Variants in GPHN observed in about 807,000 individuals in gnomAD.
GPHN encodes the protein gephyrin.
A neutral mutation model predicts 95.5 loss-of-function variants in GPHN; 17 were observed. The observed-to-expected ratio is 0.18, with a 90% CI of 0.12 to 0.27. GPHN has a LOEUF of 0.27. Ranked by LOEUF, GPHN falls within the 10% of genes least tolerant of loss-of-function variation. GPHN has a pLI of 1.00. For missense variants in GPHN, 660 were observed against 978.1 expected (o/e 0.67, Z 4.34); for synonymous variants, 320 against 322.5 (o/e 0.99, Z 0.08).
chr14:67,109,848 G>A (rs1225174635), intron 13 of GPHN, among the ~76,000 whole-genome samples: 1 of 151,978 alleles, frequency 6.6e-6, no homozygotes, highest in East Asian at 1.9e-4. Context: ...TATTTGAGAG[G>A]CAAAAGTGGC....
the GPHN span, among the ~76,000 whole-genome samples, chr14:67,682,747 AC>A: frequency 6.6e-6 from 1 of 152,242 alleles, no homozygotes; most frequent in Non-Finnish European, 1.5e-5. Context: ...ACTTCCATGT[AC>A]CCAAGAGAAA....
chr14:67,606,941 C>G, the GPHN span, among the ~76,000 whole-genome samples: 1 of 152,034 alleles, frequency 6.6e-6, no homozygotes, highest in African/African-American at 2.4e-5. Flanking sequence ...CCACCCTGCC[C>G]GGCCAAGAGC....
chr14:66,985,183 G>T (rs1283510682), intron 9 of GPHN, among the ~76,000 whole-genome samples: 1 of 152,066 alleles, frequency 6.6e-6, no homozygotes, highest in Non-Finnish European at 1.5e-5. Flanking sequence ...CAACCTCAAT[G>T]CTTGGGTCAG....
chr14:66,668,025 T>A (rs112273197), intron 1 of GPHN, among the ~76,000 whole-genome samples: 77 of 152,256 alleles, frequency 5.1e-4, no homozygotes, highest in African/African-American at 1.6e-3. Context: ...ACAAACATAT[T>A]TAGAAAAGCT....
intron 11 of GPHN, among the ~76,000 whole-genome samples, chr14:67,076,345 T>C (rs961610628): frequency 6.6e-6 from 1 of 152,224 alleles, no homozygotes; most frequent in Non-Finnish European, 1.5e-5. Context: ...AACTCTTACA[T>C]GCACTGGCTA....
At chr14:67,600,421 C>A in the GPHN span, 1 of 517,354 alleles carries the variant, frequency 1.9e-6, no homozygotes, top group Non-Finnish European at 3.4e-6. Context: ...CTCGTCGGGG[C>A]AATAGTTAAG....
At chr14:67,548,265 G>A in the GPHN span, among the ~76,000 whole-genome samples, 1 of 152,136 alleles carries the variant, frequency 6.6e-6, no homozygotes, top group Non-Finnish European at 1.5e-5. Flanking sequence ...AGAAAAGTGG[G>A]AGCATAGTAT....
At chr14:67,546,152 A>G in the GPHN span, among the ~76,000 whole-genome samples, 4 of 152,148 alleles carry the variant, frequency 2.6e-5, no homozygotes, top group Non-Finnish European at 4.4e-5. Flanking sequence ...ACTATATACA[A>G]ATGAGGTAAA....
intron 1 of GPHN, among the ~76,000 whole-genome samples, chr14:66,583,761 C>G (rs1269892217): frequency 6.6e-6 from 1 of 151,992 alleles, no homozygotes; most frequent in Non-Finnish European, 1.5e-5. Flanking sequence ...GTTTTGGTAC[C>G]AGTACCATGC....
the GPHN span, chr14:67,659,703 A>G: frequency 6.4e-7 from 1 of 1,568,912 alleles, no homozygotes. Flanking sequence ...AAAGGAAAAA[A>G]AAAACAAACA....
the GPHN span, among the ~76,000 whole-genome samples, chr14:67,268,784 C>T: frequency 6.6e-6 from 1 of 152,190 alleles, no homozygotes; most frequent in Non-Finnish European, 1.5e-5. Flanking sequence ...TTTGTGCTGA[C>T]CTCCTATCTC....
the GPHN span, among the ~76,000 whole-genome samples, chr14:67,731,137 T>C: frequency 1.3e-5 from 2 of 151,940 alleles, no homozygotes; most frequent in Admixed American, 6.6e-5. Context: ...ACATTTTAAA[T>C]GTAGCTGCTA....
chr14:67,387,390 AT>A, the GPHN span: 3 of 1,611,078 alleles, frequency 1.9e-6, no homozygotes, highest in African/African-American at 4.0e-5. Flanking sequence ...GCTGGCCTGA[AT>A]GTAATAGTGT....
chr14:67,725,206 C>T, the GPHN span: 2 of 1,614,048 alleles, frequency 1.2e-6, no homozygotes, highest in Non-Finnish European at 8.5e-7. Context: ...GAAATTGGAC[C>T]TATCCGACAC....
the GPHN span, among the ~76,000 whole-genome samples, chr14:67,413,872 A>G: frequency 6.6e-6 from 1 of 152,192 alleles, no homozygotes; most frequent in Non-Finnish European, 1.5e-5. Context: ...CAACAACCCC[A>G]TGAGGTGTTT....
the GPHN span, among the ~76,000 whole-genome samples, chr14:67,528,348 T>C: frequency 3.9e-5 from 6 of 152,156 alleles, no homozygotes; most frequent in African/African-American, 1.4e-4. Context: ...CTGGCAGCTC[T>C]CTGACAGGCC....
chr14:67,589,855 C>T, the GPHN span: 2 of 1,211,666 alleles, frequency 1.7e-6, no homozygotes, highest in Non-Finnish European at 2.1e-6. Flanking sequence ...AAGGTCTCCC[C>T]TCCTTTGGTA....
chr14:67,513,479 G>A, the GPHN span, among the ~76,000 whole-genome samples: 1 of 152,164 alleles, frequency 6.6e-6, no homozygotes. Flanking sequence ...GTACCTATAA[G>A]TGGCCAAAAT....
chr14:67,586,573 T>G, the GPHN span: 68 of 514,836 alleles, frequency 1.3e-4, no homozygotes, highest in Non-Finnish European at 2.1e-4. Context: ...CTCTTTTGCT[T>G]TAGTGACTTT....
Sources: gnomAD v4.1 joint callset for allele counts (sites outside exome capture counted in the v4.1 genomes callset) on GRCh38, gnomAD v4.1.1 for gene constraint, MANE v1.5 for transcripts, NCBI Gene and HGNC (gene_info 2026-07-23, HGNC 2026-07-21) for gene names.